Variants in GSE1 observed in about 807,000 individuals in gnomAD.
The protein encoded by GSE1 is genetic suppressor element 1.
In GSE1, 32 loss-of-function variants were observed where a neutral mutation model predicts 112.6. The observed-to-expected ratio is 0.28, with a 90% CI of 0.21 to 0.38. The LOEUF (loss-of-function observed/expected upper bound fraction) is 0.38. GSE1 is among the 10% of genes least tolerant of loss of function. The pLI is 1.00. For missense variants in GSE1, 2,348 were observed against 1,699.2 expected (o/e 1.38, Z -6.71); for synonymous variants, 1,115 against 735.6 (o/e 1.52, Z -8.35).
chr16:85,586,611 CG>C, intron 1 of GSE1, among the ~76,000 whole-genome samples: 1 of 152,338 alleles, frequency 6.6e-6, no homozygotes, highest in Middle Eastern at 3.4e-3. Flanking sequence ...GCTCCTACAA[CG>C]TGCTCACGGG....
upstream of GSE1, among the ~76,000 whole-genome samples, chr16:85,612,163 G>C (rs1455642119): frequency 1.3e-5 from 2 of 151,748 alleles, no homozygotes; most frequent in South Asian, 4.1e-4. Context: ...GGCGGCAGGG[G>C]AGGCTCGCCG....
Position 85,652,027 on chromosome 16 carries a change from G to GC in GSE1, c.427-2249dup, listed in dbSNP as rs952773112. Reference sequence around the variant, plus strand: ...GCGTGAGGCAGGATCTAGAAGCCCAGCCTGGAAATAGCCTCACGGGGCTGG... The same window carrying GC: ...GCGTGAGGCAGGATCTAGAAGCCCAGCCCTGGAAATAGCCTCACGGGGCTGG... On this transcript the variant is annotated intron_variant, in intron 3 of 15. Transcript: ENST00000253458. 1.4e-3 allele frequency among the ~76,000 whole-genome samples: 212 copies of GC among 152,334 alleles called. 2 individuals are homozygous for GC. The highest frequency in any genetic ancestry group is 4.8e-3 in the African/African-American group (200 of 41,578).
At chr16:85,564,340 G>A (rs1415191920) in intron 1 of GSE1, among the ~76,000 whole-genome samples, 1 of 152,172 alleles carries the variant, frequency 6.6e-6, no homozygotes, top group East Asian at 1.9e-4. Context: ...CATGTCAGGT[G>A]TGCCGGGAGC....
intron 2 of GSE1, among the ~76,000 whole-genome samples, chr16:85,544,759 C>T (rs148360926): frequency 1.2e-4 from 18 of 152,334 alleles, no homozygotes; most frequent in African/African-American, 4.1e-4. Context: ...ACCCCAGCAG[C>T]GGACAGTGGG....
chr16:85,498,973 G>A lies in GSE1; in HGVS notation c.2465-134941G>A, dbSNP rs757757269. Among the ~76,000 whole-genome samples the A allele has an allele frequency of 2.0e-5, 3 of 152,380 alleles. No individual in the cohort carries two copies. The East Asian group carries it at 5.8e-4, about 29-fold the overall frequency. On this transcript the variant is annotated intron_variant, in intron 2 of 2. Coordinates refer to the GSE1 transcript ENST00000637419. ...TGCCAGCTCCAGCAATTGGAAGCTT[G>A]ATGCCAGAGTGGGGAGAAGGGCAGG... is the stretch of plus-strand genomic sequence containing the variant.
chr16:85,260,037 G>T (rs764403829), intron 1 of GSE1, among the ~76,000 whole-genome samples: 3 of 152,206 alleles, frequency 2.0e-5, no homozygotes, highest in Non-Finnish European at 4.4e-5. Context: ...AGAAAGGGAC[G>T]GAGATGAGGC....
At chr16:85,242,145 C>T (rs1474546510) in intron 1 of GSE1, among the ~76,000 whole-genome samples, 1 of 152,216 alleles carries the variant, frequency 6.6e-6, no homozygotes, top group South Asian at 2.1e-4. Context: ...ACACGCCAGG[C>T]ATCTCGCCCT....
chr16:85,315,683 T>C (rs2045970812), intron 1 of GSE1, among the ~76,000 whole-genome samples: 1 of 152,210 alleles, frequency 6.6e-6, no homozygotes, highest in South Asian at 2.1e-4. Context: ...TCCATTTGCA[T>C]TTCAGATAAA....
At chr16:85,474,423 G>A (rs538073079) in intron 2 of GSE1, among the ~76,000 whole-genome samples, 298 of 152,214 alleles carry the variant, frequency 2.0e-3, no homozygotes, top group African/African-American at 7.0e-3. Flanking sequence ...GGAGGGAGGC[G>A]GGTGGGGGAC....
At chr16:85,586,986 G>A (rs921314930) in intron 1 of GSE1, among the ~76,000 whole-genome samples, 1 of 152,244 alleles carries the variant, frequency 6.6e-6, no homozygotes, top group East Asian at 1.9e-4. Flanking sequence ...GAGAGTGAGG[G>A]TTGGTTACAG....
At chr16:85,265,099 C>T (rs552594320) in intron 1 of GSE1, among the ~76,000 whole-genome samples, 6 of 152,280 alleles carry the variant, frequency 3.9e-5, no homozygotes, top group Admixed American at 2.6e-4. Flanking sequence ...ACTGCAATGG[C>T]GGGGGCCGCT....
Position 85,394,924 on chromosome 16 carries a change from C to T in GSE1, c.2464+37281C>T, listed in dbSNP as rs1453573395. ...GTCTGGAGGAGGCACTCTGGAAGCT[C>T]AATGGGGCAGGCTAGAGGCATCCAG... On this transcript the variant is annotated intron_variant, in intron 2 of 2. Coordinates refer to the GSE1 transcript ENST00000637419. Among the ~76,000 whole-genome samples, 4 of 152,226 alleles carry T rather than the reference C, an allele frequency of 2.6e-5. No individual in the cohort carries two copies. In the East Asian group the frequency reaches 5.8e-4, roughly 22 times the overall value.
chr16:85,622,216 T>G (rs2048785978), intron 1 of GSE1, among the ~76,000 whole-genome samples: 2 of 152,214 alleles, frequency 1.3e-5, no homozygotes, highest in African/African-American at 2.4e-5. Flanking sequence ...TGGGAGCTTT[T>G]CCTGGACAGC....
At chr16:85,562,057 C>T (rs765362154) in intron 1 of GSE1, among the ~76,000 whole-genome samples, 37 of 152,356 alleles carry the variant, frequency 2.4e-4, no homozygotes, top group Non-Finnish European at 3.7e-4. Context: ...GCTGTGGCGC[C>T]GGAGCCACCC....
upstream of GSE1, chr16:85,555,023 G>C (rs1177244538): frequency 2.0e-6 from 2 of 985,260 alleles, no homozygotes; most frequent in African/African-American, 3.5e-5. Context: ...CGGCCGCGCG[G>C]GGGGAAGCTC....
chr16:85,595,346 G>A (rs190024642), intron 1 of GSE1: 21 of 152,342 alleles, frequency 1.4e-4, no homozygotes, highest in Admixed American at 1.1e-3. Flanking sequence ...TTTCTCTTTG[G>A]GGGCCCAGCT....
At chr16:85,395,034 C>G (rs965219944) in intron 2 of GSE1, among the ~76,000 whole-genome samples, 3 of 152,102 alleles carry the variant, frequency 2.0e-5, no homozygotes, top group Non-Finnish European at 4.4e-5. Context: ...AGGGAAGCAC[C>G]TGGGCATTCT....
chr16:85,608,476 T>A (rs2047811234), upstream of GSE1, among the ~76,000 whole-genome samples: 1 of 150,864 alleles, frequency 6.6e-6, no homozygotes, highest in Non-Finnish European at 1.5e-5. Flanking sequence ...TTTCAGGCAC[T>A]GGACAGCTGC....
intron 3 of GSE1, among the ~76,000 whole-genome samples, chr16:85,653,418 C>T (rs756742190): frequency 5.4e-4 from 80 of 148,518 alleles, no homozygotes; most frequent in African/African-American, 1.9e-3. Flanking sequence ...GCAGCCTCTG[C>T]GTGGCTAGGG....
Sources: gnomAD v4.1 joint callset for allele counts (sites outside exome capture counted in the v4.1 genomes callset) on GRCh38, gnomAD v4.1.1 for gene constraint, MANE v1.5 for transcripts, NCBI Gene and HGNC (gene_info 2026-07-23, HGNC 2026-07-21) for gene names.